Variants in CLVS1 observed in about 807,000 individuals in gnomAD.
The protein encoded by CLVS1 is clavesin 1.
In CLVS1, 10 loss-of-function variants were observed where a neutral mutation model predicts 33.1. The ratio of observed to expected loss-of-function variants is 0.30; its 90% CI spans 0.19 to 0.51. The LOEUF is 0.51. CLVS1 is among the 20% of genes least tolerant of loss of function. The pLI is 0.97. For missense variants in CLVS1, 343 were observed against 433.4 expected (o/e 0.79, Z 1.85); for synonymous variants, 163 against 166.1 (o/e 0.98, Z 0.14).
At chr8:61,291,197 C>T (rs141205247) in intron 1 of CLVS1, among the ~76,000 whole-genome samples, 3 of 152,196 alleles carry the variant, frequency 2.0e-5, no homozygotes, top group Admixed American at 6.5e-5. Flanking sequence ...TTGCCCTAGG[C>T]TCTGTCCCTT....
chr8:61,027,812 C>T, the CLVS1 span, among the ~76,000 whole-genome samples: 3 of 152,004 alleles, frequency 2.0e-5, no homozygotes, highest in African/African-American at 4.8e-5. Context: ...ATATTTGAGG[C>T]GATATACTAA....
intron 3 of CLVS1, among the ~76,000 whole-genome samples, chr8:61,417,805 A>T (rs1815500345): frequency 6.6e-6 from 1 of 152,112 alleles, no homozygotes; most frequent in African/African-American, 2.4e-5. Context: ...GATAGCCATG[A>T]GCTCTCAGGG....
Position 61,376,717 on chromosome 8 carries a change from T to C in CLVS1, c.568T>C (p.Ser190Pro), listed in dbSNP as rs1259276677. The C allele has an allele frequency of 6.2e-7, 1 of 1,614,180 alleles. No individual in the cohort carries two copies. The highest frequency in any genetic ancestry group is 2.2e-5 in the East Asian group (1 of 44,876). Residue 190 changes from serine to proline, a missense_variant, in exon 3 of 6, where the codon TCC becomes CCC. Physicochemically the swap from Ser to Pro is moderately conservative, Grantham distance 74 (BLOSUM62 -1). This residue lies in a region of CLVS1 where 166 missense variants were observed against 244.0 expected (regional missense o/e 0.68). Coordinates refer to ENST00000325897, the MANE Select transcript of CLVS1 (RefSeq NM_173519.3). ...FILIIDWSNF[S>P]FKQASKLTPS... ...TTTAATTATAGACTGGAGTAATTTT[T>C]CCTTCAAACAAGCCTCCAAACTGAC...
Position 61,395,515 on chromosome 8 carries a change from G to A in CLVS1, c.630+18736G>A, listed in dbSNP as rs964102915. Among the ~76,000 whole-genome samples, 3 of 152,130 alleles carry A rather than the reference G, an allele frequency of 2.0e-5. No individual in the cohort carries two copies. The South Asian group carries it at 6.2e-4, about 32-fold the overall frequency. On this transcript the variant is annotated intron_variant, in intron 3 of 5. Coordinates refer to ENST00000325897, the MANE Select transcript of CLVS1 (RefSeq NM_173519.3). ...ATTGAGGTGATGGATATGTTAATTA[G>A]CTTGATTGAATCATTCTATAATTTA...
chr8:61,088,808 C>CTTT (rs557957060), intron 1 of CLVS1, among the ~76,000 whole-genome samples: 1 of 141,720 alleles, frequency 7.1e-6, no homozygotes, highest in African/African-American at 2.6e-5. Flanking sequence ...TTTTCTTTTT[C>CTTT]TTTTTTTTTT....
chr8:61,154,210 TG>T (rs1314021459), intron 2 of CLVS1, among the ~76,000 whole-genome samples: 7 of 151,656 alleles, frequency 4.6e-5, no homozygotes, highest in Admixed American at 4.6e-4. Context: ...ATGCTTTTTT[TG>T]TTTTTTTTTG....
intron 3 of CLVS1, among the ~76,000 whole-genome samples, chr8:61,384,276 C>T (rs1433998785): frequency 6.6e-6 from 1 of 152,140 alleles, no homozygotes; most frequent in African/African-American, 2.4e-5. Context: ...TTCCTGCAGA[C>T]TTAGAGAGCC....
chr8:61,094,455 A>T (rs867056931), intron 1 of CLVS1, among the ~76,000 whole-genome samples: 1 of 152,194 alleles, frequency 6.6e-6, no homozygotes, highest in Admixed American at 6.5e-5. Flanking sequence ...GAAAAACTCC[A>T]AGGCTATTAA....
intron 2 of CLVS1, among the ~76,000 whole-genome samples, chr8:61,206,374 G>A (rs1310891970): frequency 6.6e-6 from 1 of 152,010 alleles, no homozygotes; most frequent in Non-Finnish European, 1.5e-5. Context: ...TGGTGTGTAT[G>A]GTAATGAATA....
chr8:61,012,221 A>G, the CLVS1 span, among the ~76,000 whole-genome samples: 2 of 151,020 alleles, frequency 1.3e-5, no homozygotes, highest in Admixed American at 1.3e-4. Context: ...CTCCCCCAGT[A>G]CCCTTCCCTC....
chr8:60,987,191 G>A, the CLVS1 span, among the ~76,000 whole-genome samples: 1 of 152,204 alleles, frequency 6.6e-6, no homozygotes, highest in Non-Finnish European at 1.5e-5. Context: ...GCCGGGAGGG[G>A]AGCCACATAC....
chr8:61,248,779 T>C (rs1808873604), intron 2 of CLVS1, among the ~76,000 whole-genome samples: 1 of 152,070 alleles, frequency 6.6e-6, no homozygotes, highest in African/African-American at 2.4e-5. Context: ...CACCCAGAAG[T>C]CCTCTCTTAT....
At chr8:61,184,459 C>T (rs912613366) in intron 2 of CLVS1, among the ~76,000 whole-genome samples, 9 of 152,194 alleles carry the variant, frequency 5.9e-5, no homozygotes, top group Admixed American at 5.9e-4. Flanking sequence ...CACAGTAGAT[C>T]CTCTGAAATG....
At chr8:61,392,492 A>AGG (rs1263127114) in intron 3 of CLVS1, among the ~76,000 whole-genome samples, 1 of 152,102 alleles carries the variant, frequency 6.6e-6, no homozygotes, top group Non-Finnish European at 1.5e-5. Context: ...CTGCATTCCC[A>AGG]CTGGTACCTC....
chr8:61,338,524 ACCACACTTTAAGG>A (rs1331109526), intron 2 of CLVS1, among the ~76,000 whole-genome samples: 1 of 152,180 alleles, frequency 6.6e-6, no homozygotes, highest in African/African-American at 2.4e-5. Flanking sequence ...TGATCAGGAG[ACCACACTTTAAGG>A]CTCACTAGCA....
chr8:61,176,574 C>G (rs1807116108), intron 2 of CLVS1, among the ~76,000 whole-genome samples: 1 of 152,104 alleles, frequency 6.6e-6, no homozygotes, highest in Non-Finnish European at 1.5e-5. Flanking sequence ...CAGTGGTGGT[C>G]AGAGGCTCAC....
At chr8:61,167,027 T>C (rs1806880696) in intron 2 of CLVS1, among the ~76,000 whole-genome samples, 1 of 151,422 alleles carries the variant, frequency 6.6e-6, no homozygotes, top group African/African-American at 2.4e-5. Flanking sequence ...ATACATTTGC[T>C]TCCTTTCTTG....
chr8:61,258,969 T>A (rs1046054599), intron 2 of CLVS1, among the ~76,000 whole-genome samples: 1 of 152,144 alleles, frequency 6.6e-6, no homozygotes, highest in African/African-American at 2.4e-5. Context: ...TCCTAATAGA[T>A]ACAAAACATT....
At chr8:61,150,030 A>G (rs1585645257) in intron 2 of CLVS1, among the ~76,000 whole-genome samples, 4 of 151,980 alleles carry the variant, frequency 2.6e-5, no homozygotes, top group Non-Finnish European at 5.9e-5. Flanking sequence ...CACAAGGCTG[A>G]AAATCCCACT....
Sources: gnomAD v4.1 joint callset for allele counts (sites outside exome capture counted in the v4.1 genomes callset) on GRCh38, gnomAD v4.1.1 for gene constraint, gnomAD v4.1.1 regional missense constraint, MANE v1.5 for transcripts, NCBI Gene and HGNC (gene_info 2026-07-23, HGNC 2026-07-21) for gene names.